Variants in IL1RAPL1 observed in about 807,000 individuals in gnomAD.
IL1RAPL1 encodes interleukin 1 receptor accessory protein like 1.
A neutral mutation model predicts 48.4 loss-of-function variants in IL1RAPL1; 3 were observed. The ratio of observed to expected loss-of-function variants is 0.06; its 90% CI spans 0.03 to 0.16. The LOEUF (loss-of-function observed/expected upper bound fraction) is 0.16. Ranked by LOEUF, IL1RAPL1 falls within the 10% of genes least tolerant of loss-of-function variation. IL1RAPL1 has a pLI of 1.00. For missense variants in IL1RAPL1, 349 were observed against 530.6 expected (o/e 0.66, Z 3.36); for synonymous variants, 185 against 187.7 (o/e 0.99, Z 0.12).
intron 2 of IL1RAPL1, among the ~76,000 whole-genome samples, chrX:28,954,935 C>T (rs564034114): frequency 1.5e-4 from 17 of 111,725 alleles, no homozygotes; most frequent in African/African-American, 4.9e-4. Flanking sequence ...GATATATGCC[C>T]ATTGCAGTGA....
At position 29,738,834 on chromosome X, in the gene IL1RAPL1, A is replaced by C. The variant is rs774661178; in HGVS notation, c.778+70330A>C. The stretch of plus-strand genomic sequence containing the variant: ...CAGGGCTCTCTTGGAGAGTTGTTTC[A>C]TTCTATGTGCTGGGATAAAAACAAA... On this transcript the variant is annotated intron_variant, in intron 6 of 10. Transcript: ENST00000378993. Among the ~76,000 whole-genome samples the C allele has an allele frequency of 7.1e-5, 8 of 112,323 alleles. 1 individual carries two copies. The Admixed American group carries it at 7.6e-4, about 11-fold the overall frequency.
intron 1 of IL1RAPL1, among the ~76,000 whole-genome samples, chrX:28,660,088 T>G (rs1300125543): frequency 4.6e-5 from 1 of 21,557 alleles, no homozygotes; most frequent in South Asian, 2.6e-3. Flanking sequence ...GTGAGGATGG[T>G]GTGTGTGTGT....
intron 2 of IL1RAPL1, among the ~76,000 whole-genome samples, chrX:28,868,282 C>G (rs745635531): frequency 1.3e-4 from 14 of 111,821 alleles, no homozygotes; most frequent in Non-Finnish European, 2.6e-4. Flanking sequence ...TAGTCATTTA[C>G]TAGTTAGTTA....
chrX:29,212,321 T>A (rs1482834411), intron 2 of IL1RAPL1, among the ~76,000 whole-genome samples: 2 of 110,768 alleles, frequency 1.8e-5, no homozygotes, highest in Non-Finnish European at 3.8e-5. Flanking sequence ...CCCCAATTTT[T>A]TTTTCAAAAT....
At chrX:29,000,937 T>C (rs1209475193) in intron 2 of IL1RAPL1, among the ~76,000 whole-genome samples, 1 of 108,948 alleles carries the variant, frequency 9.2e-6, no homozygotes, top group African/African-American at 3.3e-5. Flanking sequence ...GAGTGTGATC[T>C]TCAGGTGATC....
intron 3 of IL1RAPL1, among the ~76,000 whole-genome samples, chrX:29,342,699 ATTAT>A (rs1260054543): frequency 8.9e-6 from 1 of 112,235 alleles, no homozygotes; most frequent in African/African-American, 3.2e-5. Flanking sequence ...TGCTTTTCTA[ATTAT>A]TTATCAGTTT....
chrX:28,632,126 G>A lies in IL1RAPL1; in HGVS notation c.-25+44079G>A, dbSNP rs888057751. 6.2e-5 allele frequency among the ~76,000 whole-genome samples: 7 copies of A among 112,264 alleles called. No homozygotes were observed. In the Admixed American group the frequency reaches 6.6e-4, roughly 11 times the overall value. On this transcript the variant is annotated intron_variant, in intron 1 of 10. Coordinates refer to ENST00000378993, the MANE Select transcript of IL1RAPL1 (RefSeq NM_014271.4). ...AAATACCACAGAATGGGTAGTTTAA[G>A]CATCAGAAATTTATTTCTGTACAGT...
In IL1RAPL1 at chrX:29,803,221, A is replaced by G. The variant is rs763305692; in HGVS notation, c.779-114243A>G. Among the ~76,000 whole-genome samples the G allele has an allele frequency of 3.2e-3, 118 of 36,483 alleles. 11 individuals are homozygous for G. The highest frequency in any genetic ancestry group is 0.028 in the South Asian group (31 of 1,112). The allele number at this position is 36,483 out of a possible 115,157, so 31.7% of individuals were successfully genotyped here. On this transcript the variant is annotated intron_variant, in intron 6 of 10. Coordinates refer to ENST00000378993, the MANE Select transcript of IL1RAPL1 (RefSeq NM_014271.4). Reference sequence around the variant, plus strand: ...CATATACACACATGTATATATGTATACATATACACACATGTATATATGTAT... The same window carrying G: ...CATATACACACATGTATATATGTATGCATATACACACATGTATATATGTAT...
chrX:29,003,431 G>T lies in IL1RAPL1; in HGVS notation c.82+214006G>T, dbSNP rs180967838. Among the ~76,000 whole-genome samples, 470 of 112,111 alleles carry T rather than the reference G, an allele frequency of 4.2e-3. 1 individual carries two copies. Among genetic ancestry groups the T allele is most frequent in the Non-Finnish European group, 7.3e-3 (387 of 53,183 alleles). On this transcript the variant is annotated intron_variant, in intron 2 of 10. Transcript: ENST00000378993. The stretch of plus-strand genomic sequence containing the variant: ...TTAGGACACGTTTGAGGAATATTTA[G>T]ACAATTAAGTTAGTGGAACTTATAT...
chrX:29,788,274 G>A (rs916302294), intron 6 of IL1RAPL1, among the ~76,000 whole-genome samples: 2 of 111,821 alleles, frequency 1.8e-5, no homozygotes, highest in South Asian at 3.7e-4. Flanking sequence ...GAACAAAAGA[G>A]ACCTAGATTC....
chrX:28,588,932 A>T (rs1411362414), intron 1 of IL1RAPL1, among the ~76,000 whole-genome samples: 2 of 112,081 alleles, frequency 1.8e-5, no homozygotes, highest in East Asian at 2.8e-4. Context: ...GCAATTAATT[A>T]CATACTTCCC....
At chrX:29,693,404 T>A (rs773833168) in intron 6 of IL1RAPL1, among the ~76,000 whole-genome samples, 133 of 112,156 alleles carry the variant, frequency 1.2e-3, no homozygotes, top group Middle Eastern at 4.6e-3. Context: ...TTTGTCATTA[T>A]GGGTTTGTGC....
rs180815132 is a variant in IL1RAPL1 at position 29,811,359 on chromosome X, A to G, written c.779-106105A>G. 3.9e-3 allele frequency among the ~76,000 whole-genome samples: 428 copies of G among 110,489 alleles called. 3 individuals carry two copies. Among genetic ancestry groups the G allele is most frequent in the African/African-American group, 0.013 (403 of 30,385 alleles). ...GAACAAGGAAGCCAGTAGAACTTGG[A>G]GTTCAATGTTCGAGGGCAGGAAGCA... On this transcript the variant is annotated intron_variant, in intron 6 of 10. Transcript: ENST00000378993.
chrX:29,674,154 C>T lies in IL1RAPL1; in HGVS notation c.778+5650C>T, dbSNP rs780634224. ...TGTTTTAAGTGGTCAGGGCCAGTCACGGTAGCTCACTCCTGGTATCCCAGC... is the reference window on the plus strand; with the variant it reads ...TGTTTTAAGTGGTCAGGGCCAGTCATGGTAGCTCACTCCTGGTATCCCAGC... On this transcript the variant is annotated intron_variant, in intron 6 of 10. Transcript: ENST00000378993. Among the ~76,000 whole-genome samples the T allele has an allele frequency of 5.4e-5, 6 of 111,967 alleles. No individual in the cohort carries two copies. In the East Asian group the frequency reaches 1.4e-3, roughly 26 times the overall value.
At chrX:28,661,526 G>A (rs1253521407) in intron 1 of IL1RAPL1, among the ~76,000 whole-genome samples, 5 of 111,129 alleles carry the variant, frequency 4.5e-5, no homozygotes, top group Non-Finnish European at 9.4e-5. Flanking sequence ...TAATCACAGT[G>A]AAAAAATCTT....
intron 2 of IL1RAPL1, among the ~76,000 whole-genome samples, chrX:29,236,529 C>A (rs867272480): frequency 1.7e-5 from 1 of 60,342 alleles, no homozygotes; most frequent in African/African-American, 8.4e-5. Flanking sequence ...TTTTTCCTTT[C>A]TTTTTCTTTT....
intron 6 of IL1RAPL1, among the ~76,000 whole-genome samples, chrX:29,746,500 C>T (rs1928337840): frequency 8.9e-6 from 1 of 111,904 alleles, no homozygotes; most frequent in South Asian, 3.7e-4. Context: ...CAAAGAATTA[C>T]CAAAAAATAT....
chrX:28,734,921 A>G (rs1008272996), intron 1 of IL1RAPL1, among the ~76,000 whole-genome samples: 5 of 112,242 alleles, frequency 4.5e-5, no homozygotes, highest in Admixed American at 9.5e-5. Flanking sequence ...AGATACCTGC[A>G]TGATATAGGC....
chrX:29,647,544 A>G lies in IL1RAPL1; in HGVS notation c.704-20886A>G, dbSNP rs1569136810. Among the ~76,000 whole-genome samples the G allele has an allele frequency of 2.7e-5, 3 of 111,240 alleles. No homozygotes were observed. The East Asian group carries it at 8.4e-4, about 31-fold the overall frequency. On this transcript the variant is annotated intron_variant, in intron 5 of 10. Transcript: ENST00000378993. ...GAGTGTGTGTGGAGTTAAAGTGAAC[A>G]ATTTTTTTGTGTGTGGTCGAAGTTA... is the stretch of plus-strand genomic sequence containing the variant.
Sources: gnomAD v4.1 joint callset for allele counts (sites outside exome capture counted in the v4.1 genomes callset) on GRCh38, gnomAD v4.1.1 for gene constraint, MANE v1.5 for transcripts, NCBI Gene and HGNC (gene_info 2026-07-23, HGNC 2026-07-21) for gene names.